The following ADAMTS19 variants were observed in gnomAD, a reference collection of about 807,000 sequenced individuals.
ADAMTS19 encodes the protein A disintegrin and metalloproteinase with thrombospondin motifs 19.
ADAMTS19 carries 93 observed loss-of-function variants against 153.3 expected under a neutral mutation model. That is an observed-to-expected ratio of 0.61 (90% confidence interval 0.51 to 0.72). ADAMTS19 has a LOEUF of 0.72. Among genes scored for constraint, ADAMTS19 ranks in the 30% least tolerant of loss-of-function variants. The pLI is 0.00. For missense variants in ADAMTS19, 1,482 were observed against 1,552.1 expected, an observed-to-expected ratio of 0.95 and a Z score of 0.76; for synonymous variants, 600 against 556.6, an observed-to-expected ratio of 1.08 and a Z score of -1.10.
intron 11 of ADAMTS19, 74 bp from the exon 12 acceptor site, chr5:129,647,691 G>A: frequency 6.6e-7 from 1 of 1,524,276 alleles, no homozygotes; most frequent in South Asian, 1.3e-5. Flanking sequence ...TGCAATTCCA[G>A]TGACATTATA....
At chr5:129,612,021 T>G (rs1172772864) in intron 8 of ADAMTS19, among the ~76,000 whole-genome samples, 1 of 151,926 alleles carries the variant, frequency 6.6e-6, no homozygotes, top group African/African-American at 2.4e-5. Flanking sequence ...ATGTGCACAA[T>G]GTGCAGTTTG....
intron 21 of ADAMTS19, among the ~76,000 whole-genome samples, chr5:129,712,065 A>T (rs1181646047): frequency 6.6e-6 from 1 of 152,164 alleles, no homozygotes; most frequent in Non-Finnish European, 1.5e-5. Context: ...TCTATAACAT[A>T]GGGAATTATT....
At chr5:129,474,389 G>C (rs1005626001) in intron 2 of ADAMTS19, among the ~76,000 whole-genome samples, 11 of 150,742 alleles carry the variant, frequency 7.3e-5, no homozygotes, top group African/African-American at 2.4e-4. Context: ...TTGTGTAGAT[G>C]GGTATTTTCA....
chr5:129,719,570 C>CA (rs1756888234), intron 21 of ADAMTS19, among the ~76,000 whole-genome samples: 1 of 150,884 alleles, frequency 6.6e-6, no homozygotes, highest in Non-Finnish European at 1.5e-5. Flanking sequence ...GCCCCATGTT[C>CA]AAAATCACGT....
chr5:129,516,135 C>T (rs931068571), intron 3 of ADAMTS19, among the ~76,000 whole-genome samples: 2 of 151,884 alleles, frequency 1.3e-5, no homozygotes, highest in Non-Finnish European at 2.9e-5. Context: ...GGGATATTTT[C>T]CAACTTGTCA....
In ADAMTS19 at chr5:129,526,265, A is replaced by C; in HGVS notation, c.914-19A>C. 2.6e-6 allele frequency: 4 copies of C among 1,540,744 alleles called. No individual in the cohort carries two copies. Among genetic ancestry groups the C allele is most frequent in the Non-Finnish European group, 3.5e-6 (4 of 1,150,370 alleles). ...TGCCAATATGAAGGTGCATTGAAAA[A>C]TTCAATTCTCTGTTGCAGATAAAGG... is the stretch of plus-strand genomic sequence containing the variant. On this transcript the variant is annotated intron_variant, in intron 3 of 22. Transcript: ENST00000274487.
At chr5:129,517,220 G>C (rs1464044875) in intron 3 of ADAMTS19, among the ~76,000 whole-genome samples, 1 of 151,878 alleles carries the variant, frequency 6.6e-6, no homozygotes, top group African/African-American at 2.4e-5. Context: ...CTTTCCTTGA[G>C]AATGATCCAC....
chr5:129,643,947 C>T (rs554779636), intron 11 of ADAMTS19, among the ~76,000 whole-genome samples: 3 of 152,202 alleles, frequency 2.0e-5, no homozygotes, highest in Admixed American at 6.5e-5. Context: ...AAACATACTG[C>T]GATGAGCCCT....
intron 8 of ADAMTS19, among the ~76,000 whole-genome samples, chr5:129,603,701 T>A (rs985579067): frequency 2.6e-5 from 4 of 152,202 alleles, no homozygotes; most frequent in Non-Finnish European, 5.9e-5. Flanking sequence ...TTTATTGAAG[T>A]GCAGAATTTT....
chr5:129,475,423 GT>G, intron 2 of ADAMTS19, among the ~76,000 whole-genome samples: 1 of 152,184 alleles, frequency 6.6e-6, no homozygotes, highest in South Asian at 2.1e-4. Context: ...TTATACTGTT[GT>G]TTTGATCTAT....
intron 18 of ADAMTS19, 126 bp from the exon 19 acceptor site, chr5:129,694,594 A>C (rs142568842): frequency 4.5e-4 from 222 of 493,624 alleles, no homozygotes; most frequent in African/African-American, 4.0e-3. Flanking sequence ...AATTTAATAA[A>C]ATAAAAATTT....
chr5:129,530,503 A>T (rs927540162), intron 6 of ADAMTS19, among the ~76,000 whole-genome samples: 4 of 152,172 alleles, frequency 2.6e-5, no homozygotes, highest in Non-Finnish European at 4.4e-5. Flanking sequence ...AACAGGAGGA[A>T]CAATGTTCAA....
intron 11 of ADAMTS19, among the ~76,000 whole-genome samples, chr5:129,643,543 A>G (rs987085912): frequency 1.3e-5 from 2 of 152,112 alleles, no homozygotes; most frequent in African/African-American, 2.4e-5. Flanking sequence ...ATTGTTTGAC[A>G]TAAGCATGCA....
intron 19 of ADAMTS19, among the ~76,000 whole-genome samples, chr5:129,699,984 G>A (rs58127082): frequency 3.9e-4 from 59 of 152,204 alleles, no homozygotes; most frequent in African/African-American, 1.4e-3. Flanking sequence ...CAGCTAATAA[G>A]GTACCTACAA....
chr5:129,510,331 ATTT>A (rs1751397521), intron 3 of ADAMTS19, among the ~76,000 whole-genome samples: 1 of 151,780 alleles, frequency 6.6e-6, no homozygotes, highest in Non-Finnish European at 1.5e-5. Context: ...TTTAGAATAT[ATTT>A]TTATCTCAAA....
intron 2 of ADAMTS19, among the ~76,000 whole-genome samples, chr5:129,495,929 C>A (rs1200456093): frequency 6.6e-6 from 1 of 151,924 alleles, no homozygotes; most frequent in African/African-American, 2.4e-5. Flanking sequence ...GATTTTTAGC[C>A]TCTGTTCTCA....
chr5:129,674,795 T>C (rs1754482159), intron 16 of ADAMTS19, among the ~76,000 whole-genome samples: 1 of 152,128 alleles, frequency 6.6e-6, no homozygotes, highest in Non-Finnish European at 1.5e-5. Flanking sequence ...CCTCAGTTAA[T>C]TATACTAAAA....
chr5:129,489,299 A>G (rs1750691996), intron 2 of ADAMTS19, among the ~76,000 whole-genome samples: 1 of 152,132 alleles, frequency 6.6e-6, no homozygotes, highest in South Asian at 2.1e-4. Flanking sequence ...AACAAGTCTT[A>G]GTAGTCCCAT....
chr5:129,655,706 T>A (rs1753518719), intron 14 of ADAMTS19, among the ~76,000 whole-genome samples: 1 of 152,130 alleles, frequency 6.6e-6, no homozygotes, highest in African/African-American at 2.4e-5. Flanking sequence ...AATGGATCAA[T>A]CCATGATCCA....
Sources: allele counts gnomAD v4.1 joint callset (sites outside exome capture counted in the v4.1 genomes callset), GRCh38; gene constraint gnomAD v4.1.1; transcripts MANE v1.5; gene names NCBI Gene and HGNC (gene_info 2026-07-23, HGNC 2026-07-21).